MINDY3: variants seen among roughly 807,000 people sequenced by gnomAD.
The protein encoded by MINDY3 is ubiquitin carboxyl-terminal hydrolase MINDY-3.
In MINDY3, 38 loss-of-function variants were observed where a neutral mutation model predicts 69.2. The observed-to-expected ratio is 0.55, with a 90% confidence interval of 0.42 to 0.72. The LOEUF (loss-of-function observed/expected upper bound fraction) is 0.72, where lower values mean the gene tolerates loss of function less well. Among genes scored for constraint, MINDY3 ranks in the 30% least tolerant of loss-of-function variants. The pLI is 0.00. For synonymous variants in MINDY3, 192 were observed against 180.1 expected, an observed-to-expected ratio of 1.07 and a Z score of -0.53; for missense variants, 522 against 519.0, an observed-to-expected ratio of 1.01 and a Z score of -0.06.
chr10:15,789,422 C>T, intron 11 of MINDY3, 103 bp from the exon 12 acceptor site: 2 of 823,846 alleles, frequency 2.4e-6, no homozygotes. Context: ...ATAAAAAATA[C>T]AAAGAGTTAA....
chr10:15,823,963 C>T (rs889863899), intron 8 of MINDY3, among the ~76,000 whole-genome samples: 52 of 152,162 alleles, frequency 3.4e-4, no homozygotes, highest in African/African-American at 1.2e-3. Flanking sequence ...TTCACGTATA[C>T]TGCAAATAAC....
chr10:15,846,145 A>T (rs1833828663), intron 2 of MINDY3, among the ~76,000 whole-genome samples: 1 of 152,076 alleles, frequency 6.6e-6, no homozygotes, highest in African/African-American at 2.4e-5. Flanking sequence ...CTTAATTACT[A>T]CCTCAAAGGT....
intron 10 of MINDY3, among the ~76,000 whole-genome samples, chr10:15,798,377 A>AT (rs1441951086): frequency 7.2e-5 from 11 of 152,016 alleles, no homozygotes; most frequent in Non-Finnish European, 1.5e-4. Flanking sequence ...TTTAGATCAG[A>AT]TTCTCTGGCA....
intron 3 of MINDY3, among the ~76,000 whole-genome samples, chr10:15,842,200 C>CAAGCAGTATTACTCTCAAG (rs1491004288): frequency 2.0e-5 from 3 of 151,910 alleles, no homozygotes; most frequent in African/African-American, 7.2e-5. Context: ...ACACTCTTTT[C>CAAGCAGTATTACTCTCAAG]AAGCAGTATT....
Position 15,786,571 on chromosome 10 carries a change from A to G in MINDY3, c.1106T>C (p.Phe369Ser), listed in dbSNP as rs746712630. The change falls in exon 13 of 15, where the codon TTT becomes TCT. Residue 369 changes from phenylalanine (F) to serine (S), a missense_variant. By Grantham distance (155) the Phe-to-Ser change is radical. Coordinates refer to ENST00000277632, the MANE Select transcript of MINDY3 (RefSeq NM_024948.4). ...ILLGPFLQEF[F>S]PDQGSSGPES... ...CCTCAACTATGTTACCTGATCAGGA[A>G]AAAATTCTTGAAGAAATGGGCCCAA... 6 of 1,566,096 alleles carry G rather than the reference A, an allele frequency of 3.8e-6. No individual in the cohort carries two copies. The South Asian group carries it at 6.8e-5, about 18-fold the overall frequency.
Position 15,778,822 on chromosome 10 carries a change from G to C in MINDY3, c.*170C>G, listed in dbSNP as rs1588487040. 7.2e-6 allele frequency: 4 copies of C among 553,788 alleles called. No individual in the cohort carries two copies. In the East Asian group the frequency reaches 1.2e-4, roughly 17 times the overall value. 34.3% of individuals were successfully genotyped at this position (553,788 alleles called of 1,614,324 possible). ...AAAATAGGATAATCTTTAACATAAA[G>C]CTTTAGGACAAATAATTTAAACATA... On this transcript the variant is annotated 3_prime_UTR_variant, in exon 15 of 15. Coordinates refer to ENST00000277632, the MANE Select transcript of MINDY3 (RefSeq NM_024948.4).
intron 10 of MINDY3, among the ~76,000 whole-genome samples, chr10:15,815,876 G>A (rs1466348019): frequency 6.6e-6 from 1 of 152,170 alleles, no homozygotes; most frequent in Admixed American, 6.5e-5. Flanking sequence ...GTCGTCTGAG[G>A]CCAAAGCTCT....
chr10:15,857,017 T>A (rs904343561), intron 1 of MINDY3, among the ~76,000 whole-genome samples: 4 of 152,158 alleles, frequency 2.6e-5, no homozygotes, highest in African/African-American at 9.7e-5. Context: ...GTAGTATCTC[T>A]CCTTTGCTTC....
At chr10:15,809,018 T>C (rs1263911857) in intron 10 of MINDY3, among the ~76,000 whole-genome samples, 1 of 152,202 alleles carries the variant, frequency 6.6e-6, no homozygotes, top group Non-Finnish European at 1.5e-5. Flanking sequence ...ATTCTAGTAA[T>C]ATTTAAAGTA....
At chr10:15,816,571 G>A (rs1460112497) in intron 10 of MINDY3, among the ~76,000 whole-genome samples, 1 of 145,696 alleles carries the variant, frequency 6.9e-6, no homozygotes, top group African/African-American at 2.8e-5. Context: ...TATAACACAA[G>A]TGATTTCTGA....
chr10:15,778,579 C>G lies in MINDY3; in HGVS notation c.*413G>C, dbSNP rs1290768429. 1 of 153,914 alleles carries G rather than the reference C, an allele frequency of 6.5e-6. No individual in the cohort carries two copies. Among genetic ancestry groups the G allele is most frequent in the Admixed American group, 6.5e-5 (1 of 15,402 alleles). 9.5% of individuals were successfully genotyped at this position (153,914 alleles called of 1,614,324 possible). A position where few individuals can be genotyped will look rare whatever the true frequency, so the allele number is the denominator to read the frequency against. On this transcript the variant is annotated 3_prime_UTR_variant, in exon 15 of 15. Transcript: ENST00000277632. ...ACTCTTCTGCATTTCATTGTAGAGG[C>G]TGATATATTACAAGCCGGAATCATT...
At chr10:15,810,468 T>C (rs944686376) in intron 10 of MINDY3, among the ~76,000 whole-genome samples, 1 of 152,180 alleles carries the variant, frequency 6.6e-6, no homozygotes, top group Admixed American at 6.6e-5. Context: ...ATTGGTCAGG[T>C]AGGATAGCAA....
rs1371903795 is a variant in MINDY3, at chr10:15,860,458, A to G, written c.-159T>C. On this transcript the variant is annotated 5_prime_UTR_variant, in exon 1 of 15. Coordinates refer to ENST00000277632, the MANE Select transcript of MINDY3 (RefSeq NM_024948.4). ...GGGCTGAGAGCCACTTGCAGAGACC[A>G]AGCCTGTCAAGCCAGGTTGGGGCAG... 2 of 649,734 alleles carry G rather than the reference A, an allele frequency of 3.1e-6. No homozygotes were observed. The highest frequency in any genetic ancestry group is 3.7e-5 in the African/African-American group (2 of 54,052). The allele number at this position is 649,734 out of a possible 1,614,324, so 40.2% of individuals were successfully genotyped here.
intron 3 of MINDY3, among the ~76,000 whole-genome samples, chr10:15,842,645 A>G (rs1484164165): frequency 6.6e-6 from 1 of 151,892 alleles, no homozygotes; most frequent in African/African-American, 2.4e-5. Context: ...TCCAGAATTT[A>G]CTGTGAGGTT....
At chr10:15,818,329 A>AG (rs1564491285) in intron 9 of MINDY3, among the ~76,000 whole-genome samples, 58 of 151,790 alleles carry the variant, frequency 3.8e-4, no homozygotes, top group South Asian at 1.0e-3. Context: ...AAAAAAAAAA[A>AG]CAAACAAACA....
chr10:15,837,283 T>C lies in MINDY3; in HGVS notation c.497A>G (p.Asp166Gly), dbSNP rs774900741. 6.2e-7 allele frequency: 1 copy of C among 1,606,006 alleles called. No individual in the cohort carries two copies. The highest frequency in any genetic ancestry group is 1.1e-5 in the South Asian group (1 of 89,178). ...CATTGAATACTGGTCCAAGACAGCA[T>C]CTTTTAATTCTGGTAAACTTCTGAA... Reference protein sequence around the residue: ...RSFRSLPELKDAVLDQYSMWG... With the variant: ...RSFRSLPELKGAVLDQYSMWG... Residue 166 changes from aspartate (D) to glycine (G), a missense_variant, in exon 6 of 15, where the codon GAT becomes GGT. By Grantham distance (94) the Asp-to-Gly change is moderately conservative (BLOSUM62 -1). Transcript: ENST00000277632.
chr10:15,808,333 G>T (rs1392788441), intron 10 of MINDY3, among the ~76,000 whole-genome samples: 1 of 152,160 alleles, frequency 6.6e-6, no homozygotes, highest in African/African-American at 2.4e-5. Flanking sequence ...TAACTAAACT[G>T]CAATAAAACA....
At chr10:15,796,490 AAAAAC>A (rs1254323837) in intron 10 of MINDY3, among the ~76,000 whole-genome samples, 9 of 151,772 alleles carry the variant, frequency 5.9e-5, no homozygotes, top group Admixed American at 1.3e-4. Flanking sequence ...AAAAAAAACA[AAAAAC>A]AAAACAAACA....
chr10:15,801,431 T>A (rs1449920051), intron 10 of MINDY3, among the ~76,000 whole-genome samples: 1 of 152,160 alleles, frequency 6.6e-6, no homozygotes, highest in Admixed American at 6.6e-5. Context: ...ATCAATGCTG[T>A]GTACCTGAAG....
Sources: gnomAD v4.1 joint callset for allele counts (sites outside exome capture counted in the v4.1 genomes callset) on GRCh38, gnomAD v4.1.1 for gene constraint, MANE v1.5 for transcripts, NCBI Gene and HGNC (gene_info 2026-07-23, HGNC 2026-07-21) for gene names.